ARIH2: variants seen among roughly 807,000 people sequenced by gnomAD.
ARIH2 encodes the protein E3 ubiquitin-protein ligase ARIH2.
ARIH2 carries 12 observed loss-of-function variants against 79.8 expected under a neutral mutation model. That is an observed-to-expected ratio of 0.15 (90% CI 0.10 to 0.24). The LOEUF (loss-of-function observed/expected upper bound fraction) is 0.24, where lower values mean the gene tolerates loss of function less well. Among genes scored for constraint, ARIH2 ranks in the 10% least tolerant of loss-of-function variants. The pLI is 1.00. For synonymous variants in ARIH2, 224 were observed against 213.9 expected, an observed-to-expected ratio of 1.05 and a Z score of -0.41; for missense variants, 301 against 618.3, an observed-to-expected ratio of 0.49 and a Z score of 5.44.
intron 3 of ARIH2, among the ~76,000 whole-genome samples, chr3:48,949,595 C>T (rs891814502): frequency 2.4e-4 from 37 of 152,172 alleles, no homozygotes; most frequent in African/African-American, 8.7e-4. Flanking sequence ...TCCCTAATGA[C>T]TAGTGTCATT....
At chr3:48,930,496 T>A (rs925424122) in intron 3 of ARIH2, among the ~76,000 whole-genome samples, 4 of 150,252 alleles carry the variant, frequency 2.7e-5, no homozygotes, top group African/African-American at 7.3e-5. Context: ...ACAACAAAAA[T>A]TTTTTTTTTG....
At chr3:48,934,426 G>A (rs1292772164) in intron 3 of ARIH2, 20 of 977,100 alleles carry the variant, frequency 2.0e-5, no homozygotes, top group South Asian at 1.4e-4. Context: ...ATAATGGTTT[G>A]TTGTTGTTGT....
intron 4 of ARIH2, 50 bp downstream of exon 4, chr3:48,961,729 C>A: frequency 8.3e-7 from 1 of 1,200,996 alleles, no homozygotes; most frequent in Non-Finnish European, 1.2e-6. Flanking sequence ...CTCCCCTCTC[C>A]GTGGTGATTA....
At chr3:48,972,057 C>T (rs1035261561) in intron 8 of ARIH2, among the ~76,000 whole-genome samples, 1 of 152,134 alleles carries the variant, frequency 6.6e-6, no homozygotes, top group Admixed American at 6.6e-5. Flanking sequence ...TTCTTGTGTG[C>T]ATATCTGACT....
At chr3:48,923,971 A>G (rs553777156) in intron 2 of ARIH2, among the ~76,000 whole-genome samples, 1 of 152,320 alleles carries the variant, frequency 6.6e-6, no homozygotes, top group East Asian at 1.9e-4. Flanking sequence ...CTGTTTATAC[A>G]AAAAATAAAA....
At chr3:48,978,483 A>T (rs911147565) in intron 11 of ARIH2, among the ~76,000 whole-genome samples, 12,806 of 40,250 alleles carry the variant, frequency 0.32, 1,512 homozygotes, top group African/African-American at 0.42. Context: ...ATATATATAT[A>T]TTTTTTTTTT....
intron 11 of ARIH2, among the ~76,000 whole-genome samples, chr3:48,976,840 G>A (rs889136754): frequency 3.3e-5 from 5 of 152,036 alleles, no homozygotes; most frequent in South Asian, 4.1e-4. Flanking sequence ...GGAGGTGGAG[G>A]TCACAGTGAG....
rs2092884485 is a variant in ARIH2 at position 48,985,576 on chromosome 3, GTCT to G, written c.*2310_*2312del. ...AGTCTTTCTTCATGGGGTCTAGGTA[GTCT>G]TCTGAGCCCACAGGGGTCTGGCCAG... On this transcript the variant is annotated 3_prime_UTR_variant, in exon 16 of 16. Transcript: ENST00000356401. 2 of 152,192 alleles carry G rather than the reference GTCT, an allele frequency of 1.3e-5. No individual in the cohort carries two copies. Among genetic ancestry groups the G allele is most frequent in the African/African-American group, 2.4e-5 (1 of 41,446 alleles). The allele number at this position is 152,192 out of a possible 1,614,324, so 9.4% of individuals were successfully genotyped here. A position where few individuals can be genotyped will look rare whatever the true frequency, so the allele number is the denominator to read the frequency against.
intron 5 of ARIH2, 43 bp downstream of exon 5, chr3:48,965,025 T>G (rs375551933): frequency 1.9e-6 from 3 of 1,581,174 alleles, no homozygotes; most frequent in Non-Finnish European, 2.6e-6. Flanking sequence ...TAATTGCATG[T>G]GGTTCTTGCT....
chr3:48,976,080 T>C (rs747406928), intron 11 of ARIH2, among the ~76,000 whole-genome samples: 3 of 151,304 alleles, frequency 2.0e-5, no homozygotes, highest in East Asian at 1.9e-4. Flanking sequence ...CTGGCTACTT[T>C]TTTATATTTT....
intron 3 of ARIH2, among the ~76,000 whole-genome samples, chr3:48,956,825 AT>A (rs970576510): frequency 6.6e-6 from 1 of 150,760 alleles, no homozygotes; most frequent in Non-Finnish European, 1.5e-5. Context: ...CAGCCTCCTG[AT>A]TTCCCAAGTA....
At chr3:48,964,372 A>G (rs969384596) in intron 4 of ARIH2, among the ~76,000 whole-genome samples, 5 of 149,644 alleles carry the variant, frequency 3.3e-5, no homozygotes, top group South Asian at 2.1e-4. Context: ...CTGGAGTGCA[A>G]TGGCACAATC....
chr3:48,975,017 T>A (rs2092426041), intron 11 of ARIH2, 38 bp downstream of exon 11: 1 of 1,614,090 alleles, frequency 6.2e-7, no homozygotes, highest in Non-Finnish European at 8.5e-7. Context: ...CCAGTGGCAC[T>A]TTCTTGTGGT....
At chr3:48,968,805 A>C in intron 7 of ARIH2, 150 bp downstream of exon 7, 1 of 1,010,596 alleles carries the variant, frequency 9.9e-7, no homozygotes, top group East Asian at 2.9e-5. Context: ...TTTGAAAACC[A>C]CTGGAGTGAT....
At chr3:48,958,520 G>A (rs920591214) in intron 3 of ARIH2, among the ~76,000 whole-genome samples, 1 of 152,000 alleles carries the variant, frequency 6.6e-6, no homozygotes, top group African/African-American at 2.4e-5. Context: ...GACCAGCCGG[G>A]CCAAGATGGT....
intron 11 of ARIH2, among the ~76,000 whole-genome samples, chr3:48,978,481 A>ATTT (rs1444641987): frequency 1.2e-4 from 6 of 49,328 alleles, no homozygotes; most frequent in African/African-American, 3.9e-4. Flanking sequence ...ATATATATAT[A>ATTT]TATTTTTTTT....
At position 48,934,674 on chromosome 3, in the gene ARIH2, T is replaced by C. The variant is rs748151222; in HGVS notation, c.255+6861T>C. 877 of 985,362 alleles carry C rather than the reference T, an allele frequency of 8.9e-4. 1 individual carries two copies. The highest frequency in any genetic ancestry group is 1.0e-3 in the Non-Finnish European group (839 of 829,952). The allele number at this position is 985,362 out of a possible 1,614,324, so 61.0% of individuals were successfully genotyped here. On this transcript the variant is annotated intron_variant, in intron 3 of 15. Transcript: ENST00000356401. ...TTAGTCCAGAAGTCTGAGGTGTGTTTACTGATGTGTAAATTCATTTTTAAA... is the reference window on the plus strand; with the variant it reads ...TTAGTCCAGAAGTCTGAGGTGTGTTCACTGATGTGTAAATTCATTTTTAAA...
At chr3:48,970,746 C>G (rs911147159) in intron 8 of ARIH2, 42 bp downstream of exon 8, 5 of 1,483,212 alleles carry the variant, frequency 3.4e-6, no homozygotes, top group Admixed American at 3.4e-5. Flanking sequence ...GGGCTCATGC[C>G]CCATCCTCCA....
At chr3:48,936,629 A>T (rs748184889) in intron 3 of ARIH2, among the ~76,000 whole-genome samples, 22 of 152,144 alleles carry the variant, frequency 1.4e-4, no homozygotes, top group Non-Finnish European at 1.5e-4. Context: ...GCTACTTGGG[A>T]GGCTGAGGCA....
Sources: gnomAD v4.1 joint callset for allele counts (sites outside exome capture counted in the v4.1 genomes callset) on GRCh38, gnomAD v4.1.1 for gene constraint, MANE v1.5 for transcripts, NCBI Gene and HGNC (gene_info 2026-07-23, HGNC 2026-07-21) for gene names.